Variants in NUMB observed in about 807,000 individuals in gnomAD.
NUMB encodes NUMB endocytic adaptor protein.
Under a neutral mutation model 59.7 loss-of-function variants are expected in NUMB, and 29 were observed. The observed-to-expected ratio is 0.49, with a 90% CI of 0.36 to 0.66. The LOEUF (loss-of-function observed/expected upper bound fraction) is 0.66, where lower values mean the gene tolerates loss of function less well. Ranked by LOEUF, NUMB falls within the 30% of genes least tolerant of loss-of-function variation. NUMB has a pLI of 0.00. For synonymous variants in NUMB, 288 were observed against 288.2 expected (o/e 1.00, Z 0.01); for missense variants, 723 against 822.0 (o/e 0.88, Z 1.47).
rs71450219 is a variant in NUMB at position 73,353,072 on chromosome 14, G to GTTTTTCTTTTT, written c.126+2553_126+2554insAAAAAGAAAAA. Among the ~76,000 whole-genome samples, 331 of 58,508 alleles carry GTTTTTCTTTTT rather than the reference G, an allele frequency of 5.7e-3. 66 individuals are homozygous for GTTTTTCTTTTT. The highest frequency in any genetic ancestry group is 0.01 in the Admixed American group (37 of 3,690). 38.4% of individuals were successfully genotyped at this position (58,508 alleles called of 152,430 possible). On this transcript the variant is annotated intron_variant, in intron 4 of 12. Coordinates refer to ENST00000555238, the MANE Select transcript of NUMB (RefSeq NM_001005743.2). ...CTTAATGGATGCCACAGTTTTTCTT[G>GTTTTTCTTTTT]TTTTTTTTTTTTTTTTTTTTTTTTT... is the stretch of plus-strand genomic sequence containing the variant.
rs184711378 is a variant in NUMB at position 73,291,796 on chromosome 14, G to A, written c.450+938C>T. 1.2e-3 allele frequency among the ~76,000 whole-genome samples: 183 copies of A among 151,462 alleles called. 1 individual carries two copies. The highest frequency in any genetic ancestry group is 1.8e-3 in the Non-Finnish European group (122 of 67,920). ...CCTCCTGGGTTCAAGCGATTCTTCT[G>A]CCTCAGCCTCCCGAGTAGCTGGGAC... On this transcript the variant is annotated intron_variant, in intron 8 of 12. Coordinates refer to ENST00000555238, the MANE Select transcript of NUMB (RefSeq NM_001005743.2).
intron 9 of NUMB, 141 bp downstream of exon 9, chr14:73,286,969 A>G (rs1224003244): frequency 1.3e-6 from 1 of 798,614 alleles, no homozygotes; most frequent in Non-Finnish European, 2.1e-6. Flanking sequence ...GCGGTTTTTA[A>G]GATTTTCAAC....
intron 4 of NUMB, among the ~76,000 whole-genome samples, chr14:73,342,923 C>T (rs749910289): frequency 2.0e-5 from 3 of 152,020 alleles, no homozygotes; most frequent in African/African-American, 4.8e-5. Context: ...TGGCTTACTG[C>T]GGCCTCTACC....
chr14:73,327,945 A>T (rs149937851), intron 4 of NUMB, among the ~76,000 whole-genome samples: 1 of 152,088 alleles, frequency 6.6e-6, no homozygotes, highest in Non-Finnish European at 1.5e-5. Context: ...GCAACTACTG[A>T]TCTGTTTTCT....
At chr14:73,435,378 A>G (rs1227769785) in intron 1 of NUMB, among the ~76,000 whole-genome samples, 1 of 146,694 alleles carries the variant, frequency 6.8e-6, no homozygotes, top group Non-Finnish European at 1.5e-5. Context: ...GGTTCACGCC[A>G]TTCTCCTGCC....
rs1319376398 is a variant in NUMB, at chr14:73,433,500, T to C, written c.-232-23432A>G. ...CAACAATTTTCATCAACTTCCTTTTTCACTCAGTTTGTTTCCAGGGAATGT... is the reference window on the plus strand; with the variant it reads ...CAACAATTTTCATCAACTTCCTTTTCCACTCAGTTTGTTTCCAGGGAATGT... On this transcript the variant is annotated intron_variant, in intron 1 of 12. Transcript: ENST00000555238. Among the ~76,000 whole-genome samples, 3 of 152,278 alleles carry C rather than the reference T, an allele frequency of 2.0e-5. No homozygotes were observed. The East Asian group carries it at 5.8e-4, about 29-fold the overall frequency.
intron 2 of NUMB, among the ~76,000 whole-genome samples, chr14:73,385,404 A>C (rs939745185): frequency 1.3e-5 from 2 of 149,018 alleles, no homozygotes; most frequent in Non-Finnish European, 3.0e-5. Flanking sequence ...TGCCTCCCAA[A>C]GTCCTAGAAT....
At chr14:73,331,068 C>T (rs1891949034) in intron 4 of NUMB, among the ~76,000 whole-genome samples, 1 of 152,046 alleles carries the variant, frequency 6.6e-6, no homozygotes, top group South Asian at 2.1e-4. Context: ...ATTTCATAGT[C>T]TCTTCTATGG....
chr14:73,359,604 G>C (rs1594947993), intron 3 of NUMB, among the ~76,000 whole-genome samples: 2 of 152,196 alleles, frequency 1.3e-5, no homozygotes, highest in East Asian at 3.8e-4. Flanking sequence ...CTTTCCTCCT[G>C]CATCTGTCAA....
intron 4 of NUMB, among the ~76,000 whole-genome samples, chr14:73,340,390 C>T (rs1186842704): frequency 2.0e-5 from 3 of 152,180 alleles, no homozygotes; most frequent in Non-Finnish European, 4.4e-5. Context: ...GCCATCTGGC[C>T]CAGTGGCTGT....
intron 2 of NUMB, among the ~76,000 whole-genome samples, chr14:73,373,620 A>C (rs1352533054): frequency 1.3e-5 from 2 of 151,852 alleles, no homozygotes; most frequent in Non-Finnish European, 2.9e-5. Context: ...AAGGTAAAGG[A>C]GTTTAGAAAT....
chr14:73,456,297 T>TGG (rs201279325), intron 1 of NUMB, among the ~76,000 whole-genome samples: 1 of 152,074 alleles, frequency 6.6e-6, no homozygotes, highest in South Asian at 2.1e-4. Context: ...TTTTTAAAGA[T>TGG]GGGGGTCTCA....
intron 4 of NUMB, among the ~76,000 whole-genome samples, chr14:73,330,781 G>A (rs1211277406): frequency 6.6e-6 from 1 of 152,200 alleles, no homozygotes; most frequent in Non-Finnish European, 1.5e-5. Context: ...ATGGATGGAT[G>A]GATGGTCAGA....
chr14:73,376,752 C>G (rs950759778), intron 2 of NUMB, among the ~76,000 whole-genome samples: 1 of 152,122 alleles, frequency 6.6e-6, no homozygotes, highest in Non-Finnish European at 1.5e-5. Flanking sequence ...GTGAGTGTGC[C>G]TGGCATGCCA....
chr14:73,457,396 G>C (rs1270447190), intron 1 of NUMB, among the ~76,000 whole-genome samples: 1 of 152,114 alleles, frequency 6.6e-6, no homozygotes, highest in Non-Finnish European at 1.5e-5. Context: ...TTACGAAACT[G>C]AAGTTTCTTC....
At chr14:73,404,399 T>C (rs1028728857) in intron 2 of NUMB, among the ~76,000 whole-genome samples, 2 of 152,106 alleles carry the variant, frequency 1.3e-5, no homozygotes, top group African/African-American at 4.8e-5. Flanking sequence ...TTGCATTCAA[T>C]AATAAATGTT....
chr14:73,364,800 T>TGTTA (rs1894259266), intron 3 of NUMB, among the ~76,000 whole-genome samples: 1 of 152,036 alleles, frequency 6.6e-6, no homozygotes, highest in South Asian at 2.1e-4. Context: ...CCTGCCTAGT[T>TGTTA]TTTATTTATT....
At chr14:73,374,511 T>C (rs957734403) in intron 2 of NUMB, among the ~76,000 whole-genome samples, 11 of 152,160 alleles carry the variant, frequency 7.2e-5, no homozygotes, top group African/African-American at 2.4e-4. Flanking sequence ...TGGTGGTTCT[T>C]TCTCTGTCCA....
intron 12 of NUMB, among the ~76,000 whole-genome samples, 193 bp from the exon 13 acceptor site, chr14:73,277,486 A>G (rs1888255878): frequency 6.6e-6 from 1 of 152,186 alleles, no homozygotes; most frequent in African/African-American, 2.4e-5. Context: ...AAAACTTGTC[A>G]AGACCATGCT....
Sources: gnomAD v4.1 joint callset for allele counts (sites outside exome capture counted in the v4.1 genomes callset) on GRCh38, gnomAD v4.1.1 for gene constraint, MANE v1.5 for transcripts, NCBI Gene and HGNC (gene_info 2026-07-23, HGNC 2026-07-21) for gene names.